Variants in PLXNC1 observed in about 807,000 individuals in gnomAD.
PLXNC1 encodes the protein plexin-C1.
Under a neutral mutation model 178.2 loss-of-function variants are expected in PLXNC1, and 75 were observed. That is an observed-to-expected ratio of 0.42 (90% CI 0.35 to 0.51). The LOEUF (loss-of-function observed/expected upper bound fraction) is 0.51. Among genes scored for constraint, PLXNC1 ranks in the 20% least tolerant of loss-of-function variants. PLXNC1 has a pLI of 0.02. For synonymous variants in PLXNC1, 790 were observed against 779.9 expected (o/e 1.01, Z -0.22); for missense variants, 1,503 against 1,984.4 (o/e 0.76, Z 4.61).
At chr12:94,277,528 G>A (rs1966063169) in intron 21 of PLXNC1, among the ~76,000 whole-genome samples, 1 of 152,154 alleles carries the variant, frequency 6.6e-6, no homozygotes, top group Non-Finnish European at 1.5e-5. Flanking sequence ...CTTTGCAGAT[G>A]AGAAAGCGAC....
chr12:94,249,723 TGTTA>T (rs1157024151), intron 14 of PLXNC1, among the ~76,000 whole-genome samples: 2 of 152,074 alleles, frequency 1.3e-5, no homozygotes, highest in African/African-American at 4.8e-5. Context: ...CCACCTTTCC[TGTTA>T]GTTGAGAAGA....
chr12:94,250,341 C>G (rs1449640215), intron 14 of PLXNC1, among the ~76,000 whole-genome samples: 1 of 152,144 alleles, frequency 6.6e-6, no homozygotes, highest in African/African-American at 2.4e-5. Flanking sequence ...TGAATTTAGT[C>G]AGGACAGCCT....
intron 2 of PLXNC1, among the ~76,000 whole-genome samples, chr12:94,178,801 C>T (rs3847805): frequency 0.66 from 100,220 of 151,772 alleles, 33,157 homozygotes; most frequent in South Asian, 0.71. Flanking sequence ...ATGTGGCTAG[C>T]GGCTGTCATA....
chr12:94,263,851 A>G (rs189338291), intron 20 of PLXNC1, among the ~76,000 whole-genome samples: 1 of 152,078 alleles, frequency 6.6e-6, no homozygotes, highest in East Asian at 1.9e-4. Context: ...AAGCCCGGGG[A>G]CTGGGGAGGG....
chr12:94,181,226 C>T (rs974395553), intron 2 of PLXNC1, among the ~76,000 whole-genome samples: 3 of 151,264 alleles, frequency 2.0e-5, no homozygotes, highest in Non-Finnish European at 4.4e-5. Flanking sequence ...AGTGAAACCC[C>T]ATCTCTACTA....
chr12:94,283,330 C>T (rs575853108), intron 23 of PLXNC1, among the ~76,000 whole-genome samples: 1 of 151,932 alleles, frequency 6.6e-6, no homozygotes, highest in Non-Finnish European at 1.5e-5. Flanking sequence ...GGAGAGCATG[C>T]GTGTTAGACT....
At chr12:94,157,857 A>C (rs1961231885) in intron 1 of PLXNC1, among the ~76,000 whole-genome samples, 2 of 152,258 alleles carry the variant, frequency 1.3e-5, no homozygotes, top group African/African-American at 4.8e-5. Context: ...CATGGACAAT[A>C]CATAAATGAG....
rs758612505 is a variant in PLXNC1 at position 94,149,920 on chromosome 12, G to C, written c.949G>C (p.Gly317Arg). 1.3e-6 allele frequency: 2 copies of C among 1,587,584 alleles called. No homozygotes were observed. The highest frequency in any genetic ancestry group is 1.7e-6 in the Non-Finnish European group (2 of 1,167,916). ...AGTGTTCAGCGCGGCCGCTGGAGAG[G>C]GCCAGGAGCGGCGCTCCCCCACCAC... ...AGVFSAAAGE[G>R]QERRSPTTTA... Residue 317 changes from glycine (G) to arginine (R), a missense_variant, in exon 1 of 31, where the codon GGC becomes CGC. Gly to Arg is a moderately radical substitution (Grantham distance 125, BLOSUM62 -2). Around this residue, in one of 4 missense-constraint regions of PLXNC1, gnomAD observed 615 missense variants for 698.6 expected, o/e 0.88. Transcript: ENST00000258526.
chr12:94,278,147 A>G, intron 21 of PLXNC1: 1 of 52,330 alleles, frequency 1.9e-5, no homozygotes, highest in Non-Finnish European at 3.3e-5. Flanking sequence ...CCTTAAAACC[A>G]AAAAAAACAA....
At chr12:94,167,658 A>C (rs189706162) in intron 1 of PLXNC1, among the ~76,000 whole-genome samples, 1 of 152,156 alleles carries the variant, frequency 6.6e-6, no homozygotes, top group Non-Finnish European at 1.5e-5. Context: ...CCAACCTTAG[A>C]CCCACAGAGA....
At chr12:94,189,679 CAA>C (rs71435709) in intron 4 of PLXNC1, among the ~76,000 whole-genome samples, 89 of 142,706 alleles carry the variant, frequency 6.2e-4, no homozygotes, top group East Asian at 2.8e-3. Context: ...GACCCTGTCT[CAA>C]AAAAAAAAAA....
Position 94,149,540 on chromosome 12 carries a change from C to T in PLXNC1, c.569C>T (p.Thr190Met). The change falls in exon 1 of 31, where the codon ACG (threonine) becomes ATG (methionine). Residue 190 changes from threonine (T) to methionine (M), a missense_variant. Thr to Met is a moderately conservative substitution (Grantham distance 81). This residue lies in a region of PLXNC1 where 73 missense variants were observed against 125.4 expected (regional missense o/e 0.58). Transcript: ENST00000258526. ...AATYVLPEPE[T>M]ASRCNPAASD... ...ACCTACGTGCTGCCTGAGCCGGAGA[C>T]GGCGAGCCGCTGCAACCCCGCGGCA... 1.3e-6 allele frequency: 2 copies of T among 1,543,462 alleles called. No homozygotes were observed. Among genetic ancestry groups the T allele is most frequent in the Non-Finnish European group, 1.7e-6 (2 of 1,150,152 alleles).
At chr12:94,240,433 A>G (rs1374481270) in intron 10 of PLXNC1, 52 bp from the exon 11 acceptor site, 1 of 1,381,602 alleles carries the variant, frequency 7.2e-7, no homozygotes, top group African/African-American at 1.4e-5. Context: ...TGGGTAATCA[A>G]CTGTGCTAAG....
chr12:94,247,307 A>G (rs1287582935), intron 12 of PLXNC1, among the ~76,000 whole-genome samples: 1 of 151,884 alleles, frequency 6.6e-6, no homozygotes, highest in African/African-American at 2.4e-5. Context: ...TGGGAGATGC[A>G]TTGTTCCTTT....
At chr12:94,292,556 T>C (rs1390145991) in intron 23 of PLXNC1, among the ~76,000 whole-genome samples, 1 of 152,216 alleles carries the variant, frequency 6.6e-6, no homozygotes, top group East Asian at 1.9e-4. Context: ...CCAAAATGCT[T>C]GGAACCACAA....
At chr12:94,218,748 T>C (rs1963712794) in intron 5 of PLXNC1, among the ~76,000 whole-genome samples, 1 of 151,984 alleles carries the variant, frequency 6.6e-6, no homozygotes, top group South Asian at 2.1e-4. Flanking sequence ...CCTGTACACA[T>C]ACAAACATAC....
chr12:94,299,572 T>G (rs117029824), intron 27 of PLXNC1, among the ~76,000 whole-genome samples: 16,236 of 152,156 alleles, frequency 0.11, 1,068 homozygotes, highest in Non-Finnish European at 0.14. Context: ...AGCCTCTTTT[T>G]TTTTGAGACA....
rs1297393714 is a variant in PLXNC1 at position 94,307,349 on chromosome 12, A to C, written c.*2064A>C. On this transcript the variant is annotated 3_prime_UTR_variant, in exon 31 of 31. Transcript: ENST00000258526. The stretch of plus-strand genomic sequence containing the variant: ...AAGCACTATCTAGATCACATTTTGG[A>C]TCACATTAGCCAAATGCAGTAAATG... 6.6e-6 allele frequency: 1 copy of C among 152,230 alleles called. No individual in the cohort carries two copies. The highest frequency in any genetic ancestry group is 1.5e-5 in the Non-Finnish European group (1 of 68,028). 9.4% of individuals were successfully genotyped at this position (152,230 alleles called of 1,614,324 possible).
intron 2 of PLXNC1, among the ~76,000 whole-genome samples, chr12:94,177,054 T>A (rs1296508401): frequency 2.1e-5 from 1 of 47,974 alleles, no homozygotes; most frequent in Non-Finnish European, 4.0e-5. Flanking sequence ...TTCATATATA[T>A]GTGTGTGTGT....
Sources: gnomAD v4.1 joint callset for allele counts (sites outside exome capture counted in the v4.1 genomes callset) on GRCh38, gnomAD v4.1.1 for gene constraint, gnomAD v4.1.1 regional missense constraint, MANE v1.5 for transcripts, NCBI Gene and HGNC (gene_info 2026-07-23, HGNC 2026-07-21) for gene names.